Variants in MAGI2 observed in about 807,000 individuals in gnomAD.
The protein encoded by MAGI2 is membrane associated guanylate kinase, WW and PDZ domain containing 2, also known as membrane-associated guanylate kinase, WW and PDZ domain-containing protein 2.
A neutral mutation model predicts 133.3 loss-of-function variants in MAGI2; 35 were observed. That is an observed-to-expected ratio of 0.26 (90% CI 0.20 to 0.35). MAGI2 has a LOEUF of 0.35. Among genes scored for constraint, MAGI2 ranks in the 10% least tolerant of loss-of-function variants. The pLI, the probability that MAGI2 is intolerant of heterozygous loss-of-function variation, is 1.00. For synonymous variants in MAGI2, 729 were observed against 710.6 expected, an observed-to-expected ratio of 1.03 and a Z score of -0.41; for missense variants, 1,636 against 1,863.4, an observed-to-expected ratio of 0.88 and a Z score of 2.25.
At chr7:78,313,044 T>C (rs539092888) in intron 9 of MAGI2, among the ~76,000 whole-genome samples, 64 of 152,106 alleles carry the variant, frequency 4.2e-4, no homozygotes, top group African/African-American at 1.5e-3. Context: ...AGCGAAATCA[T>C]GTCTTTTGCA....
At chr7:78,299,133 T>TAA (rs911842605) in intron 9 of MAGI2, among the ~76,000 whole-genome samples, 6 of 152,096 alleles carry the variant, frequency 3.9e-5, no homozygotes, top group African/African-American at 1.4e-4. Flanking sequence ...GGTTTTAAAA[T>TAA]AAAAAGTTAA....
intron 16 of MAGI2, among the ~76,000 whole-genome samples, chr7:78,159,647 C>T (rs1407240295): frequency 2.0e-5 from 3 of 152,182 alleles, no homozygotes; most frequent in Non-Finnish European, 4.4e-5. Context: ...TGGTTCTATT[C>T]TGTTGAACAG....
At chr7:78,027,485 G>A (rs1211216766) in intron 21 of MAGI2, among the ~76,000 whole-genome samples, 3 of 151,944 alleles carry the variant, frequency 2.0e-5, no homozygotes, top group Non-Finnish European at 2.9e-5. Context: ...AAAATTAGCC[G>A]GGTGTGGTGG....
At chr7:78,778,844 T>C (rs1353897393) in intron 2 of MAGI2, among the ~76,000 whole-genome samples, 3 of 151,020 alleles carry the variant, frequency 2.0e-5, no homozygotes, top group African/African-American at 7.3e-5. Context: ...AATTATAAAA[T>C]AACTAGCACA....
intron 20 of MAGI2, among the ~76,000 whole-genome samples, chr7:78,105,965 C>G (rs893421885): frequency 2.2e-4 from 33 of 152,138 alleles, no homozygotes; most frequent in Admixed American, 1.8e-3. Flanking sequence ...TTCTATCTAA[C>G]TGTATTTTTG....
At chr7:78,942,063 A>G (rs1187362920) in intron 2 of MAGI2, among the ~76,000 whole-genome samples, 3 of 152,114 alleles carry the variant, frequency 2.0e-5, no homozygotes, top group Non-Finnish European at 4.4e-5. Context: ...TCAATATACC[A>G]TATGTTGGTG....
intron 1 of MAGI2, among the ~76,000 whole-genome samples, chr7:79,015,343 AT>A (rs199527886): frequency 2.5e-5 from 2 of 81,000 alleles, no homozygotes; most frequent in East Asian, 6.6e-4. Context: ...GTCCTCTAAT[AT>A]TTTTTTTCAA....
intron 2 of MAGI2, among the ~76,000 whole-genome samples, chr7:78,630,747 A>G (rs1351582470): frequency 1.3e-5 from 2 of 152,108 alleles, no homozygotes; most frequent in Non-Finnish European, 2.9e-5. Flanking sequence ...TATATGTAAT[A>G]TGTTTTCATT....
At chr7:78,256,611 A>T (rs1212134657) in intron 9 of MAGI2, 30 bp from the exon 10 acceptor site, 1 of 1,574,636 alleles carries the variant, frequency 6.4e-7, no homozygotes, top group Non-Finnish European at 8.7e-7. Flanking sequence ...TGACAACATG[A>T]GGTAAGTTCA....
chr7:78,577,489 C>T (rs975364744), intron 3 of MAGI2, among the ~76,000 whole-genome samples: 4 of 152,156 alleles, frequency 2.6e-5, no homozygotes. Flanking sequence ...CATGCACGTC[C>T]GTGTGAAGAG....
chr7:78,804,072 AC>A (rs1300393718), intron 2 of MAGI2, among the ~76,000 whole-genome samples: 4 of 152,194 alleles, frequency 2.6e-5, no homozygotes, highest in Non-Finnish European at 5.9e-5. Flanking sequence ...TGCATTCAGA[AC>A]CCTTTCTAAT....
chr7:78,686,815 G>A (rs1002842780), intron 2 of MAGI2, among the ~76,000 whole-genome samples: 2 of 152,154 alleles, frequency 1.3e-5, no homozygotes, highest in Non-Finnish European at 2.9e-5. Context: ...GACACAGAAA[G>A]CAAGCGCATA....
chr7:78,529,874 T>G (rs1374293498), intron 3 of MAGI2, among the ~76,000 whole-genome samples: 1 of 151,544 alleles, frequency 6.6e-6, no homozygotes, highest in Non-Finnish European at 1.5e-5. Context: ...TGAAAGTAAT[T>G]TTAATATTTT....
chr7:79,413,906 C>T (rs1846312535), intron 1 of MAGI2: 1 of 152,082 alleles, frequency 6.6e-6, no homozygotes, highest in South Asian at 2.1e-4. Flanking sequence ...CTGTTTATTC[C>T]ATTTGCTGAT....
intron 10 of MAGI2, chr7:78,254,428 G>A (rs1258112507): frequency 6.6e-6 from 1 of 152,144 alleles, no homozygotes; most frequent in African/African-American, 2.4e-5. Flanking sequence ...AATTAGCAAT[G>A]TTTATTTTAA....
chr7:78,932,331 C>A (rs1411910497), intron 2 of MAGI2, among the ~76,000 whole-genome samples: 1 of 152,080 alleles, frequency 6.6e-6, no homozygotes, highest in African/African-American at 2.4e-5. Flanking sequence ...AGAGGAAGCA[C>A]TTATATTTTT....
chr7:78,356,287 T>A (rs1185580401), intron 7 of MAGI2, among the ~76,000 whole-genome samples: 1 of 152,178 alleles, frequency 6.6e-6, no homozygotes, highest in Non-Finnish European at 1.5e-5. Context: ...TATAAAAGAA[T>A]GCTGCATGTT....
chr7:78,080,789 C>A (rs1483974225), intron 20 of MAGI2, among the ~76,000 whole-genome samples: 1 of 152,036 alleles, frequency 6.6e-6, no homozygotes, highest in Non-Finnish European at 1.5e-5. Context: ...CTCTTAATTC[C>A]CAATCCTGGT....
At chr7:79,043,542 C>CAAAAAAAAAA (rs58828466) in intron 1 of MAGI2, among the ~76,000 whole-genome samples, 4 of 40,420 alleles carry the variant, frequency 9.9e-5, no homozygotes, top group Admixed American at 3.8e-4. Context: ...GACTCCATCA[C>CAAAAAAAAAA]AAAAAAAAAA....
Sources: allele counts gnomAD v4.1 joint callset (sites outside exome capture counted in the v4.1 genomes callset), GRCh38; gene constraint gnomAD v4.1.1; transcripts MANE v1.5; gene names NCBI Gene and HGNC (gene_info 2026-07-23, HGNC 2026-07-21).